Variants in WBP11 observed in about 807,000 individuals in gnomAD.
The protein encoded by WBP11 is WW domain binding protein 11.
In WBP11, 12 loss-of-function variants were observed where a neutral mutation model predicts 66.7. The ratio of observed to expected loss-of-function variants is 0.18; its 90% confidence interval spans 0.12 to 0.29. The LOEUF is 0.29. Ranked by LOEUF, WBP11 falls within the 10% of genes least tolerant of loss-of-function variation. WBP11 has a pLI of 1.00. For missense variants in WBP11, 555 were observed against 818.3 expected (o/e 0.68, Z 3.93); for synonymous variants, 255 against 273.8 (o/e 0.93, Z 0.68).
intron 8 of WBP11, 24 bp from the exon 9 acceptor site, chr12:14,791,294 G>A (rs1277908612): frequency 1.2e-6 from 2 of 1,604,308 alleles, no homozygotes; most frequent in African/African-American, 2.7e-5. Flanking sequence ...GGAGGGAGTG[G>A]AGTAGATTGG....
Position 14,799,657 on chromosome 12 carries a change from G to A in WBP11, c.168C>T (p.Asp56=). 1 of 1,613,304 alleles carries A rather than the reference G, an allele frequency of 6.2e-7. No individual in the cohort carries two copies. The highest frequency in any genetic ancestry group is 8.5e-7 in the Non-Finnish European group (1 of 1,179,596). ...TACCCATTTCATCCAATTTCTCCAT[G>A]TCTCGGATTATCTGTTTTGGATCCT... The part of the protein sequence containing the change: ...KMKDPKQIIR[D]MEKLDEMEFN... The change falls in exon 4 of 12, where the codon GAC becomes GAT. Residue 56 remains aspartate, a synonymous_variant. Transcript: ENST00000261167.
rs767674420 is a variant in WBP11 at position 14,787,254 on chromosome 12, C to T, written c.1737G>A (p.Val579=). ...CCCGACGTACTCTCAGTGCAGTGGG[C>T]ACAAATCGAGTAATCTCTGCCTTGG... The part of the protein sequence containing the change: ...TNPKAEITRF[V]PTALRVRREN... Residue 579 remains valine, a synonymous_variant, in exon 12 of 12, where the codon GTG becomes GTA. Coordinates refer to ENST00000261167, the MANE Select transcript of WBP11 (RefSeq NM_016312.3). The T allele has an allele frequency of 1.2e-6, 2 of 1,614,190 alleles. No individual in the cohort carries two copies. The highest frequency in any genetic ancestry group is 3.3e-5 in the Admixed American group (2 of 60,024).
chr12:14,797,526 T>C (rs1487478488), intron 4 of WBP11, among the ~76,000 whole-genome samples: 1 of 152,226 alleles, frequency 6.6e-6, no homozygotes, highest in South Asian at 2.1e-4. Context: ...CTAGCTACTA[T>C]ACAATCCTTT....
chr12:14,787,626 A>C (rs1949768840), intron 11 of WBP11, 128 bp from the exon 12 acceptor site: 1 of 852,792 alleles, frequency 1.2e-6, no homozygotes, highest in Admixed American at 3.6e-5. Flanking sequence ...AATAAGCTGA[A>C]TTCATATTGG....
At chr12:14,794,800 T>C (rs527842605) in intron 6 of WBP11, 64 bp from the exon 7 acceptor site, 1 of 1,531,806 alleles carries the variant, frequency 6.5e-7, no homozygotes, top group Non-Finnish European at 8.7e-7. Flanking sequence ...TAATGAGATA[T>C]TTATTTTCTC....
chr12:14,796,995 G>T lies in WBP11; in HGVS notation c.199C>A (p.Pro67Thr). The change falls in exon 5 of 12, where the codon CCA becomes ACA. Residue 67 changes from proline to threonine, a missense_variant. This residue lies in a region of WBP11 where 43 missense variants were observed against 142.1 expected (regional missense o/e 0.30). Coordinates refer to ENST00000261167, the MANE Select transcript of WBP11 (RefSeq NM_016312.3). The surrounding 1 kb of genome is among the most constrained non-coding windows in gnomAD (Gnocchi z 4.5). ...MEKLDEMEFN[P>T]VQQPQLNEKV... is the part of the protein sequence containing the mutation. ...TCATTTAATTGTGGCTGTTGCACTG[G>T]GTTAAACTCTAAGAGAAAAAGTAGA... The T allele has an allele frequency of 6.3e-7, 1 of 1,576,968 alleles. No individual in the cohort carries two copies. The highest frequency in any genetic ancestry group is 8.6e-7 in the Non-Finnish European group (1 of 1,167,508).
In WBP11 at chr12:14,785,478, G is replaced by C. The variant is rs1231934526; in HGVS notation, c.*1587C>G. 2 of 152,122 alleles carry C rather than the reference G, an allele frequency of 1.3e-5. No homozygotes were observed. Among genetic ancestry groups the C allele is most frequent in the East Asian group, 3.9e-4 (2 of 5,192 alleles). The allele number at this position is 152,122 out of a possible 1,614,324, so 9.4% of individuals were successfully genotyped here. On this transcript the variant is annotated 3_prime_UTR_variant, in exon 12 of 12. Transcript: ENST00000261167. ...AACATAAGGTTCAATCCTTACATCT[G>C]AACAGACTCAATTCACCTGTGGACC...
chr12:14,789,159 A>C (rs750837464), intron 10 of WBP11, 26 bp from the exon 11 acceptor site: 2 of 1,517,350 alleles, frequency 1.3e-6, no homozygotes, highest in East Asian at 5.3e-5. Context: ...TGATAAATTA[A>C]TGTCACACAA....
chr12:14,789,042 G>C lies in WBP11; in HGVS notation c.1401C>G (p.Pro467=), dbSNP rs1949789731. Residue 467 remains proline (P), a synonymous_variant, in exon 11 of 12, where the codon CCC becomes CCG. Coordinates refer to ENST00000261167, the MANE Select transcript of WBP11 (RefSeq NM_016312.3). ...GAGGTGGACCTGGGGGAGGGCCAGG[G>C]GGTCGGCCTGGTGGTGGTCCTGGAG... The part of the protein sequence containing the change: ...LLPPGPPPGR[P]PGPPPGPPPG... 1 of 1,510,096 alleles carries C rather than the reference G, an allele frequency of 6.6e-7. No individual in the cohort carries two copies. The highest frequency in any genetic ancestry group is 1.4e-5 in the South Asian group (1 of 71,772). 93.5% of individuals were successfully genotyped at this position (1,510,096 alleles called of 1,614,324 possible). A position where few individuals can be genotyped will look rare whatever the true frequency, so the allele number is the denominator to read the frequency against.
At chr12:14,797,075 T>C (rs906850994) in intron 4 of WBP11, 72 bp from the exon 5 acceptor site, 53 of 1,321,122 alleles carry the variant, frequency 4.0e-5, no homozygotes, top group Admixed American at 1.1e-4. Context: ...GGTTACATGA[T>C]AAAAACCTCC....
At position 14,796,985 on chromosome 12, in the gene WBP11, T is replaced by G; in HGVS notation, c.209A>C (p.Gln70Pro). The G allele has an allele frequency of 6.2e-7, 1 of 1,600,968 alleles. No homozygotes were observed. The highest frequency in any genetic ancestry group is 2.2e-5 in the East Asian group (1 of 44,712). Reference protein sequence around the residue: ...LDEMEFNPVQQPQLNEKVLKD... With the variant: ...LDEMEFNPVQPPQLNEKVLKD... ...CAGTACTTTCTCATTTAATTGTGGC[T>G]GTTGCACTGGGTTAAACTCTAAGAG... Residue 70 changes from glutamine to proline, a missense_variant, in exon 5 of 12, where the codon CAG (glutamine) becomes CCG (proline). By Grantham distance (76) the Gln-to-Pro change is moderately conservative. This residue lies in a region of WBP11 where 43 missense variants were observed against 142.1 expected (regional missense o/e 0.30). Coordinates refer to ENST00000261167, the MANE Select transcript of WBP11 (RefSeq NM_016312.3). The surrounding 1 kb of genome is among the most constrained non-coding windows in gnomAD (Gnocchi z 4.5).
intron 4 of WBP11, 173 bp downstream of exon 4, chr12:14,799,462 A>T: frequency 4.0e-6 from 2 of 497,930 alleles, no homozygotes; most frequent in Non-Finnish European, 6.8e-6. Context: ...TGGGGTCTCC[A>T]GTTTGCAACA....
chr12:14,803,220 C>A, intron 1 of WBP11, 132 bp downstream of exon 1: 2 of 389,560 alleles, frequency 5.1e-6, no homozygotes, highest in Non-Finnish European at 9.1e-6. Flanking sequence ...TAGCCCAGTC[C>A]GCAACAGGGA....
At chr12:14,795,524 G>A (rs111506533) in intron 5 of WBP11, among the ~76,000 whole-genome samples, 5 of 152,188 alleles carry the variant, frequency 3.3e-5, no homozygotes, top group African/African-American at 1.2e-4. Flanking sequence ...AAGCTCAGGA[G>A]TTTGAGACCA....
intron 5 of WBP11, among the ~76,000 whole-genome samples, chr12:14,795,405 C>T (rs541864616): frequency 6.6e-6 from 1 of 152,122 alleles, no homozygotes; most frequent in African/African-American, 2.4e-5. Flanking sequence ...AAGTATCTAG[C>T]ACCAGAACTA....
intron 4 of WBP11, among the ~76,000 whole-genome samples, chr12:14,798,341 C>T (rs1949916367): frequency 6.6e-6 from 1 of 152,016 alleles, no homozygotes; most frequent in South Asian, 2.1e-4. Flanking sequence ...GGACAGTGCA[C>T]CTACCCTAAA....
Position 14,788,938 on chromosome 12 carries a change from T to C in WBP11, c.1492+13A>G, listed in dbSNP as rs182291529. ...GCAGGCTAAGTTTTTATTATAGAAA[T>C]TGAAAGCATCACCTGGAGGTGCAGG... On this transcript the variant is annotated intron_variant, in intron 11 of 11. Transcript: ENST00000261167. 9.3e-4 allele frequency: 1,300 copies of C among 1,398,154 alleles called. 11 individuals carry two copies. Among genetic ancestry groups the C allele is most frequent in the Non-Finnish European group, 1.0e-3 (1,074 of 1,069,100 alleles). The allele number at this position is 1,398,154 out of a possible 1,614,324, so 86.6% of individuals were successfully genotyped here.
chr12:14,791,412 T>C (rs567527956), intron 8 of WBP11, 142 bp from the exon 9 acceptor site: 134 of 560,854 alleles, frequency 2.4e-4, no homozygotes, highest in Admixed American at 6.0e-4. Flanking sequence ...ATACTAATGA[T>C]ACGAACACCC....
At chr12:14,803,286 G>C (rs1565676466) in intron 1 of WBP11, 66 bp downstream of exon 1, 3 of 395,628 alleles carry the variant, frequency 7.6e-6, no homozygotes, top group Non-Finnish European at 1.3e-5. Flanking sequence ...CCCCCAAGCC[G>C]CTGCGCGGGA....
Sources: allele counts gnomAD v4.1 joint callset (sites outside exome capture counted in the v4.1 genomes callset), GRCh38; gene constraint gnomAD v4.1.1; regional missense constraint gnomAD v4.1.1; non-coding constraint Gnocchi (gnomAD v3.1); transcripts MANE v1.5; gene names NCBI Gene and HGNC (gene_info 2026-07-23, HGNC 2026-07-21).